The following KIAA1217 variants were observed in gnomAD, a reference collection of about 807,000 sequenced individuals.
KIAA1217 encodes sickle tail protein homolog.
KIAA1217 carries 88 observed loss-of-function variants against 163.9 expected under a neutral mutation model. The ratio of observed to expected loss-of-function variants is 0.54; its 90% CI spans 0.45 to 0.64. KIAA1217 has a LOEUF of 0.64. Ranked by LOEUF, KIAA1217 falls within the 30% of genes least tolerant of loss-of-function variation. The pLI, the probability that KIAA1217 is intolerant of heterozygous loss-of-function variation, is 0.00. For missense variants in KIAA1217, 2,372 were observed against 2,475.0 expected (o/e 0.96, Z 0.88); for synonymous variants, 903 against 923.1 (o/e 0.98, Z 0.39).
At chr10:24,404,584 A>C (rs1037672525) in intron 3 of KIAA1217, among the ~76,000 whole-genome samples, 2 of 151,414 alleles carry the variant, frequency 1.3e-5, no homozygotes, top group Non-Finnish European at 2.9e-5. Flanking sequence ...AAAAAAAAAA[A>C]AAAAAAAAAC....
At chr10:24,422,364 CATCTT>C in intron 3 of KIAA1217, among the ~76,000 whole-genome samples, 1 of 152,280 alleles carries the variant, frequency 6.6e-6, no homozygotes, top group East Asian at 1.9e-4. Context: ...AACCACAGCT[CATCTT>C]AAGTGTTAGA....
intron 2 of KIAA1217, among the ~76,000 whole-genome samples, chr10:24,299,193 C>T (rs1291382959): frequency 6.6e-6 from 1 of 152,140 alleles, no homozygotes. Flanking sequence ...TCTACAATTG[C>T]TCATGGCTAG....
intron 2 of KIAA1217, among the ~76,000 whole-genome samples, chr10:24,048,741 A>AT (rs200101079): frequency 0.026 from 3,935 of 148,994 alleles, 59 homozygotes; most frequent in South Asian, 0.047. Flanking sequence ...AAAAAAAAAA[A>AT]AAATATATTG....
At chr10:23,975,621 A>G (rs1488743397) in intron 1 of KIAA1217, among the ~76,000 whole-genome samples, 3 of 152,278 alleles carry the variant, frequency 2.0e-5, no homozygotes, top group South Asian at 2.1e-4. Context: ...GGGACTTCCC[A>G]TGTCACATGC....
rs563015099 is a variant in KIAA1217, at chr10:23,789,750, A to C, written c.-321+94516A>C. ...CACTGAGAAATGGCCAACTTTGGTT[A>C]TAAGTATGGAAGTTCTTATAAGTAC... On this transcript the variant is annotated intron_variant, in intron 1 of 18. Transcript: ENST00000376462. 2.0e-5 allele frequency among the ~76,000 whole-genome samples: 3 copies of C among 152,030 alleles called. No individual in the cohort carries two copies. In the East Asian group the frequency reaches 5.8e-4, roughly 29 times the overall value.
At chr10:23,765,055 G>A (rs1489589430) in intron 1 of KIAA1217, among the ~76,000 whole-genome samples, 2 of 152,038 alleles carry the variant, frequency 1.3e-5, no homozygotes, top group Non-Finnish European at 2.9e-5. Context: ...TTTTAAAAAG[G>A]TAGTTGGGAA....
chr10:24,391,371 G>A (rs573325333), intron 3 of KIAA1217, among the ~76,000 whole-genome samples: 6 of 104,794 alleles, frequency 5.7e-5, no homozygotes, highest in South Asian at 3.3e-4. Context: ...GTGAGACGGA[G>A]TTTTGCTCTT....
chr10:24,068,838 T>A (rs74123620), intron 2 of KIAA1217, among the ~76,000 whole-genome samples: 8,747 of 152,264 alleles, frequency 0.057, 384 homozygotes, highest in African/African-American at 0.12. Context: ...GGAGCTGGAA[T>A]TTTTTCTGCA....
At chr10:24,136,178 C>A (rs986985240) in intron 2 of KIAA1217, among the ~76,000 whole-genome samples, 1 of 152,082 alleles carries the variant, frequency 6.6e-6, no homozygotes, top group Non-Finnish European at 1.5e-5. Context: ...GGCATCGGTA[C>A]AAAGAATATC....
intron 2 of KIAA1217, among the ~76,000 whole-genome samples, chr10:24,166,479 T>C (rs185923634): frequency 2.1e-4 from 32 of 152,306 alleles, no homozygotes; most frequent in African/African-American, 6.7e-4. Flanking sequence ...GGCTTACTCC[T>C]GTAATCCCAG....
intron 1 of KIAA1217, among the ~76,000 whole-genome samples, chr10:23,995,240 C>G (rs1589207291): frequency 1.3e-5 from 2 of 152,030 alleles, no homozygotes; most frequent in Non-Finnish European, 2.9e-5. Flanking sequence ...AGACCAAGTC[C>G]CCTGTGCTCT....
At chr10:24,189,661 A>G (rs1249924496) in intron 2 of KIAA1217, among the ~76,000 whole-genome samples, 1 of 152,164 alleles carries the variant, frequency 6.6e-6, no homozygotes, top group African/African-American at 2.4e-5. Context: ...AGATCCAAAG[A>G]CCTAGGGAAG....
At chr10:24,330,300 C>CAAAA (rs397846537) in intron 2 of KIAA1217, among the ~76,000 whole-genome samples, 1 of 94,212 alleles carries the variant, frequency 1.1e-5, no homozygotes, top group Non-Finnish European at 2.2e-5. Flanking sequence ...AACTCCATCT[C>CAAAA]AAAAAAAAAA....
intron 2 of KIAA1217, among the ~76,000 whole-genome samples, chr10:24,063,716 A>G (rs1050920363): frequency 6.6e-6 from 1 of 152,182 alleles, no homozygotes; most frequent in African/African-American, 2.4e-5. Context: ...CACTGAATCT[A>G]TAAATTACCT....
rs142633221 is a variant in KIAA1217 at position 23,868,235 on chromosome 10, G to A, written c.-320-138990G>A. Among the ~76,000 whole-genome samples the A allele has an allele frequency of 5.8e-3, 883 of 151,996 alleles. 6 individuals are homozygous for A. Among genetic ancestry groups the A allele is most frequent in the South Asian group, 0.044 (209 of 4,794 alleles). ...TTCTCAACCCACAAAATAACTCCTG[G>A]GTACATGGTTTTCTTTGCTTCCAGG... On this transcript the variant is annotated intron_variant, in intron 1 of 18. Coordinates refer to the KIAA1217 transcript ENST00000376462.
chr10:23,696,676 A>G, intron 1 of KIAA1217, among the ~76,000 whole-genome samples: 1 of 152,174 alleles, frequency 6.6e-6, no homozygotes, highest in East Asian at 1.9e-4. Context: ...AAAGAAGGTG[A>G]AGATGCTTGC....
chr10:23,899,356 A>G (rs928994383), intron 1 of KIAA1217, among the ~76,000 whole-genome samples: 4 of 152,042 alleles, frequency 2.6e-5, no homozygotes, highest in Non-Finnish European at 4.4e-5. Flanking sequence ...ATGCCTGCCA[A>G]TCTGGTGGGT....
At chr10:24,313,690 T>C (rs774549920) in intron 2 of KIAA1217, among the ~76,000 whole-genome samples, 12 of 152,098 alleles carry the variant, frequency 7.9e-5, no homozygotes, top group Non-Finnish European at 1.3e-4. Flanking sequence ...TGTTTATAGA[T>C]TGCAGAAAGC....
At chr10:23,954,342 A>C (rs1844465351) in intron 1 of KIAA1217, among the ~76,000 whole-genome samples, 1 of 152,100 alleles carries the variant, frequency 6.6e-6, no homozygotes, top group African/African-American at 2.4e-5. Flanking sequence ...AGCTGGGTGG[A>C]TCTCTTGAGC....
Sources: allele counts gnomAD v4.1 joint callset (sites outside exome capture counted in the v4.1 genomes callset), GRCh38; gene constraint gnomAD v4.1.1; transcripts MANE v1.5; gene names NCBI Gene and HGNC (gene_info 2026-07-23, HGNC 2026-07-21).